Variants in MLLT10 observed in about 807,000 individuals in gnomAD.
MLLT10 encodes MLLT10 histone lysine methyltransferase DOT1L cofactor.
A neutral mutation model predicts 129.1 loss-of-function variants in MLLT10; 30 were observed. That is an observed-to-expected ratio of 0.23 (90% CI 0.17 to 0.32). The LOEUF (loss-of-function observed/expected upper bound fraction) is 0.32. MLLT10 is among the 10% of genes least tolerant of loss of function. MLLT10 has a pLI of 1.00. For synonymous variants in MLLT10, 490 were observed against 446.4 expected (o/e 1.10, Z -1.23); for missense variants, 1,119 against 1,268.3 (o/e 0.88, Z 1.79).
chr10:21,685,721 T>C (rs1589635968), intron 13 of MLLT10, among the ~76,000 whole-genome samples: 1 of 152,162 alleles, frequency 6.6e-6, no homozygotes, highest in African/African-American at 2.4e-5. Flanking sequence ...AACAACTCTA[T>C]TACTTTAGCA....
intron 8 of MLLT10, among the ~76,000 whole-genome samples, chr10:21,644,540 C>T (rs1420878291): frequency 1.3e-5 from 2 of 152,148 alleles, no homozygotes; most frequent in Non-Finnish European, 2.9e-5. Flanking sequence ...CTTTTTAACA[C>T]AGTGCATTAT....
chr10:21,542,228 C>T (rs2035299740), intron 3 of MLLT10, among the ~76,000 whole-genome samples: 2 of 152,130 alleles, frequency 1.3e-5, no homozygotes, highest in African/African-American at 4.8e-5. Context: ...TTTATTCTCT[C>T]TGAGGACATG....
chr10:21,693,647 T>G (rs557166073), intron 13 of MLLT10, among the ~76,000 whole-genome samples: 5 of 151,792 alleles, frequency 3.3e-5, no homozygotes, highest in Non-Finnish European at 7.4e-5. Flanking sequence ...TTGAGAGAAT[T>G]CATGCGTTTC....
In MLLT10 at chr10:21,602,532, C is replaced by CT. The variant is rs538158363; in HGVS notation, c.405+7093dup. Among the ~76,000 whole-genome samples, 102 of 152,196 alleles carry CT rather than the reference C, an allele frequency of 6.7e-4. 1 individual carries two copies. The highest frequency in any genetic ancestry group is 2.4e-3 in the African/African-American group (98 of 41,520). ...GGAATGCATGTTAGTTGCAAAAAGTCTGAGTGAGATAGACTCCTAGATTAA... is the reference window on the plus strand; with the variant it reads ...GGAATGCATGTTAGTTGCAAAAAGTCTTGAGTGAGATAGACTCCTAGATTAA... On this transcript the variant is annotated intron_variant, in intron 5 of 22. Coordinates refer to ENST00000307729, the MANE Select transcript of MLLT10 (RefSeq NM_001195626.3).
At chr10:21,653,785 A>ATAAC (rs781303198) in intron 9 of MLLT10, among the ~76,000 whole-genome samples, 117 of 152,344 alleles carry the variant, frequency 7.7e-4, no homozygotes, top group Non-Finnish European at 1.5e-3. Flanking sequence ...AGCCAGTTGG[A>ATAAC]TAACTAGTCT....
At position 21,738,460 on chromosome 10, in the gene MLLT10, T is replaced by C. The variant is rs568728540; in HGVS notation, c.2956-1570T>C. On this transcript the variant is annotated intron_variant, in intron 21 of 22. Coordinates refer to ENST00000307729, the MANE Select transcript of MLLT10 (RefSeq NM_001195626.3). ...GTTAAGGAATTTTCAGCACAAATTA[T>C]TGCTTGGAGACCATGAGGACTAAAG... 478 of 1,289,064 alleles carry C rather than the reference T, an allele frequency of 3.7e-4. 1 individual carries two copies. The highest frequency in any genetic ancestry group is 1.3e-3 in the South Asian group (102 of 81,010). The allele number at this position is 1,289,064 out of a possible 1,614,324, so 79.9% of individuals were successfully genotyped here. A position where few individuals can be genotyped will look rare whatever the true frequency, so the allele number is the denominator to read the frequency against.
chr10:21,670,244 T>TTTTTC (rs1464499790), intron 9 of MLLT10, among the ~76,000 whole-genome samples: 2 of 152,274 alleles, frequency 1.3e-5, no homozygotes, highest in East Asian at 1.9e-4. Flanking sequence ...TTATGTAGGC[T>TTTTTC]TTTTCTTTTC....
At chr10:21,603,495 T>A (rs1212236077) in intron 5 of MLLT10, among the ~76,000 whole-genome samples, 3 of 152,184 alleles carry the variant, frequency 2.0e-5, no homozygotes, top group Non-Finnish European at 4.4e-5. Context: ...ATTATAACAT[T>A]CGTTTATTAA....
chr10:21,725,733 A>AAT (rs1456980958), intron 14 of MLLT10, among the ~76,000 whole-genome samples: 1 of 151,076 alleles, frequency 6.6e-6, no homozygotes, highest in Non-Finnish European at 1.5e-5. Flanking sequence ...AAAAAAAAAA[A>AAT]AAAATTGTAG....
At chr10:21,600,158 A>G (rs901156262) in intron 5 of MLLT10, among the ~76,000 whole-genome samples, 7 of 152,058 alleles carry the variant, frequency 4.6e-5, no homozygotes, top group South Asian at 2.1e-4. Flanking sequence ...TGGTGTGTCT[A>G]TTTTTATCCT....
At chr10:21,652,443 A>G (rs1258615220) in intron 9 of MLLT10, among the ~76,000 whole-genome samples, 1 of 152,212 alleles carries the variant, frequency 6.6e-6, no homozygotes, top group Non-Finnish European at 1.5e-5. Context: ...AGTGGGGGAA[A>G]TTATTAATGA....
chr10:21,682,648 A>G (rs1225526296), intron 13 of MLLT10, among the ~76,000 whole-genome samples: 1 of 152,304 alleles, frequency 6.6e-6, no homozygotes, highest in Non-Finnish European at 1.5e-5. Context: ...TTATTAATAT[A>G]TAGAATACTT....
chr10:21,712,672 A>G (rs936896411), intron 13 of MLLT10, among the ~76,000 whole-genome samples: 1 of 152,026 alleles, frequency 6.6e-6, no homozygotes, highest in Non-Finnish European at 1.5e-5. Flanking sequence ...TGGGCCAGTT[A>G]TTTCTTCTGG....
chr10:21,587,390 G>A (rs1181267778), intron 4 of MLLT10, among the ~76,000 whole-genome samples: 6 of 140,754 alleles, frequency 4.3e-5, no homozygotes, highest in Non-Finnish European at 9.0e-5. Context: ...CTGTACTTCA[G>A]TCCCTGGGAT....
chr10:21,715,925 A>G (rs540042162), intron 14 of MLLT10, among the ~76,000 whole-genome samples: 124 of 152,298 alleles, frequency 8.1e-4, no homozygotes, highest in African/African-American at 2.7e-3. Flanking sequence ...ACCTACATCT[A>G]TGTTTCTGTT....
At chr10:21,572,219 G>T (rs1465743112) in intron 3 of MLLT10, among the ~76,000 whole-genome samples, 2 of 152,172 alleles carry the variant, frequency 1.3e-5, no homozygotes, top group Admixed American at 1.3e-4. Context: ...GCATAAGTGG[G>T]ATATCTTTCA....
intron 14 of MLLT10, among the ~76,000 whole-genome samples, chr10:21,714,154 T>C (rs1004037574): frequency 6.6e-6 from 1 of 152,230 alleles, no homozygotes; most frequent in Non-Finnish European, 1.5e-5. Context: ...GGGCACCAAC[T>C]AATTCTTTTT....
chr10:21,693,396 A>G (rs2054063710), intron 13 of MLLT10, among the ~76,000 whole-genome samples: 1 of 151,670 alleles, frequency 6.6e-6, no homozygotes, highest in Non-Finnish European at 1.5e-5. Flanking sequence ...ACCTTATTTT[A>G]GTTTCCTGAC....
intron 21 of MLLT10, chr10:21,738,281 C>A: frequency 2.8e-6 from 2 of 705,856 alleles, no homozygotes; most frequent in Non-Finnish European, 4.0e-6. Context: ...AAAAAAAAAT[C>A]TTAAATGCTG....
Sources: gnomAD v4.1 joint callset for allele counts (sites outside exome capture counted in the v4.1 genomes callset) on GRCh38, gnomAD v4.1.1 for gene constraint, MANE v1.5 for transcripts, NCBI Gene and HGNC (gene_info 2026-07-23, HGNC 2026-07-21) for gene names.